LYST: variants seen among roughly 807,000 people sequenced by gnomAD.
LYST encodes the protein lysosomal trafficking regulator, also known as lysosomal-trafficking regulator.
A neutral mutation model predicts 413.6 loss-of-function variants in LYST; 192 were observed. The observed-to-expected ratio is 0.46, with a 90% confidence interval of 0.41 to 0.52. The LOEUF is 0.52. LYST is among the 20% of genes least tolerant of loss of function. The pLI, the probability that LYST is intolerant of heterozygous loss-of-function variation, is 0.00. For synonymous variants in LYST, 1,525 were observed against 1,567.3 expected (o/e 0.97, Z 0.64); for missense variants, 3,815 against 4,499.9 (o/e 0.85, Z 4.35).
At position 235,741,477 on chromosome 1, in the gene LYST, A is replaced by C; in HGVS notation, c.8303T>G (p.Val2768Gly). Residue 2768 changes from valine (V) to glycine (G), a missense_variant, in exon 31 of 53, where the codon GTT (valine) becomes GGT (glycine). Transcript: ENST00000389793. Reference protein sequence around the residue: ...AQERKQIFEIVHEPNHQEILR... With the variant: ...AQERKQIFEIGHEPNHQEILR... ...TATTTCCTGATGATTTGGTTCATGA[A>C]CTATTTCAAAAATTTGCTTTCTCTC... 1 of 1,614,158 alleles carries C rather than the reference A, an allele frequency of 6.2e-7. No individual in the cohort carries two copies. Among genetic ancestry groups the C allele is most frequent in the Non-Finnish European group, 8.5e-7 (1 of 1,180,014 alleles).
chr1:235,786,838 G>C (rs185308472), intron 14 of LYST, among the ~76,000 whole-genome samples: 1,562 of 141,810 alleles, frequency 0.011, 28 homozygotes, highest in African/African-American at 0.039. Flanking sequence ...TCATAGGTGG[G>C]AATTGAACAA....
intron 3 of LYST, among the ~76,000 whole-genome samples, chr1:235,815,594 C>T (rs1189075093): frequency 6.6e-6 from 1 of 152,092 alleles, no homozygotes; most frequent in Non-Finnish European, 1.5e-5. Flanking sequence ...AAGTCTTAGG[C>T]TACAAAATCA....
intron 5 of LYST, 83 bp from the exon 6 acceptor site, chr1:235,806,855 G>A: frequency 1.0e-5 from 9 of 890,500 alleles, no homozygotes; most frequent in South Asian, 5.9e-5. Context: ...TTAATATATC[G>A]CTATTGCATG....
intron 3 of LYST, 31 bp downstream of exon 3, chr1:235,830,195 T>C (rs1675799130): frequency 1.3e-6 from 2 of 1,500,756 alleles, no homozygotes; most frequent in African/African-American, 1.4e-5. Flanking sequence ...CATATATTGA[T>C]GAAAGTAAGT....
chr1:235,817,814 T>G (rs1674331467), intron 3 of LYST, among the ~76,000 whole-genome samples: 1 of 151,836 alleles, frequency 6.6e-6, no homozygotes, highest in East Asian at 1.9e-4. Flanking sequence ...CCCCATGACA[T>G]GCAATCTACC....
At chr1:235,820,114 A>T (rs565766930) in intron 3 of LYST, among the ~76,000 whole-genome samples, 74 of 152,372 alleles carry the variant, frequency 4.9e-4, no homozygotes, top group Non-Finnish European at 8.1e-4. Context: ...GGCCCTTTTC[A>T]TAACTATTGT....
At chr1:235,773,126 G>A (rs1403122690) in intron 19 of LYST, among the ~76,000 whole-genome samples, 3 of 152,024 alleles carry the variant, frequency 2.0e-5, no homozygotes, top group African/African-American at 7.2e-5. Flanking sequence ...AGACCAGCCT[G>A]AGCAACATGT....
intron 1 of LYST, among the ~76,000 whole-genome samples, chr1:235,880,928 C>G (rs911007116): frequency 6.6e-6 from 1 of 152,216 alleles, no homozygotes; most frequent in South Asian, 2.1e-4. Flanking sequence ...GAGTTCAAGA[C>G]CAGCCTAACC....
At chr1:235,882,892 G>A (rs1433717339) in intron 1 of LYST, among the ~76,000 whole-genome samples, 2 of 152,096 alleles carry the variant, frequency 1.3e-5, no homozygotes, top group Non-Finnish European at 2.9e-5. Flanking sequence ...ACTGGCACCC[G>A]AGAATCAGAT....
At chr1:235,882,297 G>T (rs1012792780) in intron 1 of LYST, among the ~76,000 whole-genome samples, 1 of 152,206 alleles carries the variant, frequency 6.6e-6, no homozygotes, top group Non-Finnish European at 1.5e-5. Context: ...AGAACAGCAG[G>T]TAATCCAGGT....
intron 1 of LYST, among the ~76,000 whole-genome samples, chr1:235,838,311 T>C (rs986910436): frequency 6.6e-6 from 1 of 152,192 alleles, no homozygotes; most frequent in Non-Finnish European, 1.5e-5. Flanking sequence ...TCAATAACTA[T>C]ACCCATACTA....
chr1:235,809,462 C>G lies in LYST; in HGVS notation c.1356G>C (p.Met452Ile). ...FNLFETAVLQ[M>I]EWLVLRDGVP... is the part of the protein sequence containing the mutation. ...CTCCATCTCTTAAAACCAGCCATTC[C>G]ATTTGAAGAACTGCTGTTTCAAATA... The change falls in exon 5 of 53, where the codon ATG becomes ATC. Residue 452 changes from methionine to isoleucine, a missense_variant. By Grantham distance (10) the Met-to-Ile change is conservative. Transcript: ENST00000389793. This position sits in a 1 kb window ranked among gnomAD's most constrained non-coding sequence, Gnocchi z 4.0. The G allele has an allele frequency of 6.2e-7, 1 of 1,613,982 alleles. No individual in the cohort carries two copies. The highest frequency in any genetic ancestry group is 8.5e-7 in the Non-Finnish European group (1 of 1,179,962).
Position 235,755,663 on chromosome 1 carries a change from A to T in LYST, c.7060-16T>A. 6.9e-7 allele frequency: 1 copy of T among 1,456,484 alleles called. No homozygotes were observed. The highest frequency in any genetic ancestry group is 1.4e-5 in the African/African-American group (1 of 71,946). The allele number at this position is 1,456,484 out of a possible 1,614,324, so 90.2% of individuals were successfully genotyped here. On this transcript the variant is annotated splice_polypyrimidine_tract_variant and intron_variant, in intron 24 of 52. Transcript: ENST00000389793. ...CATCTAATAGCTAAACAAAAAATTT[A>T]AGTCAATTTAGATAATGCATTAAAA...
At chr1:235,708,709 G>A (rs916636035) in intron 44 of LYST, among the ~76,000 whole-genome samples, 22 of 152,176 alleles carry the variant, frequency 1.4e-4, no homozygotes, top group Admixed American at 5.9e-4. Context: ...GGAGGAGGCT[G>A]AGTATGCTTT....
chr1:235,711,960 A>C, intron 43 of LYST, 97 bp downstream of exon 43: 1 of 940,094 alleles, frequency 1.1e-6, no homozygotes, highest in Non-Finnish European at 1.6e-6. Context: ...GGACTCAAAA[A>C]TTTTTAGGAC....
At chr1:235,845,217 C>A (rs1306926298) in intron 1 of LYST, among the ~76,000 whole-genome samples, 1 of 152,204 alleles carries the variant, frequency 6.6e-6, no homozygotes, top group African/African-American at 2.4e-5. Context: ...CACACCCCCA[C>A]TGGAGAAGCT....
chr1:235,695,071 C>T lies in LYST; in HGVS notation c.10565-1585G>A, dbSNP rs1445194239. Among the ~76,000 whole-genome samples the T allele has an allele frequency of 3.3e-5, 5 of 152,154 alleles. No individual in the cohort carries two copies. In the South Asian group the frequency reaches 6.2e-4, roughly 19 times the overall value. On this transcript the variant is annotated intron_variant, in intron 46 of 52. Coordinates refer to ENST00000389793, the MANE Select transcript of LYST (RefSeq NM_000081.4). ...CTCTAGAATGTCTATGTGGACTGTT[C>T]CTTGCTGGGTCTAGTGTTGAGTGTA...
At chr1:235,715,641 CCTAA>C (rs1662774443) in intron 41 of LYST, among the ~76,000 whole-genome samples, 1 of 152,052 alleles carries the variant, frequency 6.6e-6, no homozygotes, top group Non-Finnish European at 1.5e-5. Context: ...CACTCCACCT[CCTAA>C]CTAATGGCTC....
chr1:235,810,366 T>A lies in LYST; in HGVS notation c.452A>T (p.His151Leu), dbSNP rs188870379. The A allele has an allele frequency of 6.2e-7, 1 of 1,613,908 alleles. No individual in the cohort carries two copies. The change falls in exon 5 of 53, where the codon CAT (histidine) becomes CTT (leucine). Residue 151 changes from histidine to leucine, a missense_variant. This residue lies in a region of LYST where 1,648 missense variants were observed against 1,810.3 expected (regional missense o/e 0.91). Coordinates refer to ENST00000389793, the MANE Select transcript of LYST (RefSeq NM_000081.4). The stretch of plus-strand genomic sequence containing the variant: ...TCTTGCATCTCTTACAGAATAGCGA[T>A]GGGTAATTTTACGCTGTCGTCTGCT... The part of the protein sequence containing the change: ...RKSRRQRKIT[H>L]RYSVRDARKT...
Sources: allele counts gnomAD v4.1 joint callset (sites outside exome capture counted in the v4.1 genomes callset), GRCh38; gene constraint gnomAD v4.1.1; regional missense constraint gnomAD v4.1.1; non-coding constraint Gnocchi (gnomAD v3.1); transcripts MANE v1.5; gene names NCBI Gene and HGNC (gene_info 2026-07-23, HGNC 2026-07-21).